The following UBR3 variants were observed in gnomAD, a reference collection of about 807,000 sequenced individuals.
The protein encoded by UBR3 is ubiquitin protein ligase E3 component n-recognin 3.
UBR3 carries 85 observed loss-of-function variants against 243.2 expected under a neutral mutation model. The observed-to-expected ratio is 0.35, with a 90% confidence interval of 0.29 to 0.42. The LOEUF is 0.42. UBR3 is among the 10% of genes least tolerant of loss of function. UBR3 has a pLI of 1.00. For missense variants in UBR3, 1,686 were observed against 2,300.8 expected (o/e 0.73, Z 5.47); for synonymous variants, 748 against 799.8 (o/e 0.94, Z 1.09).
At chr2:169,954,106 A>G (rs1034165530) in intron 23 of UBR3, among the ~76,000 whole-genome samples, 3 of 152,134 alleles carry the variant, frequency 2.0e-5, no homozygotes, top group African/African-American at 7.2e-5. Context: ...GCAGATTGAT[A>G]GTGGTATTTG....
intron 35 of UBR3, among the ~76,000 whole-genome samples, chr2:170,070,004 A>T (rs967267611): frequency 3.9e-5 from 6 of 152,164 alleles, no homozygotes; most frequent in East Asian, 3.9e-4. Context: ...GTTATTTTTT[A>T]AAAAAATATT....
At chr2:169,969,556 T>G (rs181978442) in intron 24 of UBR3, among the ~76,000 whole-genome samples, 10 of 151,268 alleles carry the variant, frequency 6.6e-5, no homozygotes, top group Non-Finnish European at 1.3e-4. Context: ...GTCTTTTTTT[T>G]TTTTTTTTGT....
intron 26 of UBR3, among the ~76,000 whole-genome samples, chr2:169,997,938 G>C (rs985601435): frequency 1.3e-5 from 2 of 152,160 alleles, no homozygotes; most frequent in Non-Finnish European, 1.5e-5. Context: ...ACTGCAGCTC[G>C]GTTTTCAGGC....
At chr2:169,927,034 G>C in intron 16 of UBR3, 63 bp downstream of exon 16, 1 of 1,512,316 alleles carries the variant, frequency 6.6e-7, no homozygotes, top group South Asian at 1.2e-5. Flanking sequence ...CCCCCTCCCT[G>C]TGGTAGTAAC....
rs139521135 is a variant in UBR3 at position 169,962,470 on chromosome 2, C to T, written c.3634+3944C>T. Among the ~76,000 whole-genome samples the T allele has an allele frequency of 4.0e-3, 616 of 152,230 alleles. 5 individuals are homozygous for T. The highest frequency in any genetic ancestry group is 0.014 in the African/African-American group (576 of 41,542). ...CTAAGCTGCTCCCAGATGCCTGACC[C>T]TCAGAAACGGTTTGAGATAATTCTT... is the stretch of plus-strand genomic sequence containing the variant. On this transcript the variant is annotated intron_variant, in intron 24 of 38. Transcript: ENST00000272793.
chr2:169,924,232 CT>C, intron 13 of UBR3, 59 bp downstream of exon 13: 1 of 1,299,174 alleles, frequency 7.7e-7, no homozygotes. Flanking sequence ...GTGATTCTTC[CT>C]TTATTTATAT....
intron 1 of UBR3, among the ~76,000 whole-genome samples, chr2:169,857,041 G>T (rs2105298350): frequency 7.4e-6 from 1 of 135,536 alleles, no homozygotes; most frequent in African/African-American, 2.7e-5. Flanking sequence ...TCTTGTTAAT[G>T]ATTTCCAGCA....
At chr2:169,978,937 G>A (rs143540600) in intron 24 of UBR3, among the ~76,000 whole-genome samples, 100 of 152,232 alleles carry the variant, frequency 6.6e-4, no homozygotes, top group African/African-American at 2.3e-3. Flanking sequence ...CAGGGCATCA[G>A]TTCCCCAGGA....
intron 29 of UBR3, 76 bp downstream of exon 29, chr2:170,009,016 T>G: frequency 3.9e-6 from 4 of 1,030,512 alleles, no homozygotes; most frequent in Non-Finnish European, 5.3e-6. Flanking sequence ...AATATTTGTT[T>G]TATTTATTTA....
chr2:169,984,325 T>C (rs2088897921), intron 24 of UBR3, among the ~76,000 whole-genome samples: 3 of 152,182 alleles, frequency 2.0e-5, no homozygotes, highest in Admixed American at 1.3e-4. Flanking sequence ...AGATTGTGAC[T>C]GTATAACTGA....
chr2:169,927,440 A>G, intron 17 of UBR3, 35 bp downstream of exon 17: 1 of 1,417,176 alleles, frequency 7.1e-7, no homozygotes. Context: ...TGTTAGTTGC[A>G]GGATCTAAAA....
At chr2:169,829,884 C>T (rs1388138616) in intron 1 of UBR3, among the ~76,000 whole-genome samples, 1 of 152,034 alleles carries the variant, frequency 6.6e-6, no homozygotes, top group Non-Finnish European at 1.5e-5. Context: ...AGTCTTCTAT[C>T]TGTCCAGTTC....
chr2:169,984,435 G>A (rs1485989731), intron 24 of UBR3, among the ~76,000 whole-genome samples: 1 of 152,108 alleles, frequency 6.6e-6, no homozygotes, highest in Non-Finnish European at 1.5e-5. Flanking sequence ...TCTTCCAAGA[G>A]TAACCAGTAT....
At chr2:169,997,740 G>C (rs1331509637) in intron 26 of UBR3, among the ~76,000 whole-genome samples, 1 of 152,066 alleles carries the variant, frequency 6.6e-6, no homozygotes, top group Non-Finnish European at 1.5e-5. Flanking sequence ...CAACAAGAGG[G>C]GACCTGAAGT....
chr2:169,928,843 G>T lies in UBR3; in HGVS notation c.2541G>T (p.Met847Ile). Residue 847 changes from methionine (M) to isoleucine (I), a missense_variant, in exon 18 of 39, where the codon ATG (methionine) becomes ATT (isoleucine). By Grantham distance (10) the Met-to-Ile change is conservative (BLOSUM62 1). This residue lies in a region of UBR3 where 346 missense variants were observed against 585.8 expected (regional missense o/e 0.59). Coordinates refer to ENST00000272793, the MANE Select transcript of UBR3 (RefSeq NM_172070.4). ...KAPVFEPGGS[M>I]QQGMYTPKAE... ...CTGTTTTTGAACCTGGAGGTTCTAT[G>T]CAACAAGGCATGTATACTCCCAAAG... 2 of 1,491,296 alleles carry T rather than the reference G, an allele frequency of 1.3e-6. No individual in the cohort carries two copies. The highest frequency in any genetic ancestry group is 1.3e-5 in the South Asian group (1 of 75,068). 92.4% of individuals were successfully genotyped at this position (1,491,296 alleles called of 1,614,324 possible). A position where few individuals can be genotyped will look rare whatever the true frequency, so the allele number is the denominator to read the frequency against.
chr2:169,857,062 A>ATTTTT (rs1553494582), intron 1 of UBR3, among the ~76,000 whole-genome samples: 11 of 28,488 alleles, frequency 3.9e-4, no homozygotes, highest in East Asian at 2.2e-3. Flanking sequence ...TAATTTTATT[A>ATTTTT]TGTTTTTTTT....
At chr2:169,891,613 G>GACACACAC (rs3082964) in intron 6 of UBR3, among the ~76,000 whole-genome samples, 13,054 of 148,762 alleles carry the variant, frequency 0.088, 618 homozygotes, top group Admixed American at 0.14. Context: ...GAGAGACAGA[G>GACACACAC]ACACACACAC....
chr2:169,922,458 CAG>C (rs1466338739), intron 11 of UBR3, among the ~76,000 whole-genome samples: 2 of 151,522 alleles, frequency 1.3e-5, no homozygotes, highest in African/African-American at 4.9e-5. Context: ...GTAAAATACA[CAG>C]AAAACATAAA....
rs2081780119 is a variant in UBR3, at chr2:169,827,548, C to T, written c.41C>T (p.Pro14Leu). Residue 14 changes from proline to leucine, a missense_variant, in exon 1 of 39, where the codon CCG becomes CTG. Physicochemically the swap from Pro to Leu is moderately conservative, Grantham distance 98. Transcript: ENST00000272793. ...GCGGCGGCCGTCGGGGGCCAGCAGC[C>T]GTCACAGCCCGAGCTGCCCGCGCCG... ...AAAAAVGGQQ[P>L]SQPELPAPGL... is the part of the protein sequence containing the mutation. 6 of 1,232,328 alleles carry T rather than the reference C, an allele frequency of 4.9e-6. No individual in the cohort carries two copies. The Admixed American group carries it at 1.7e-4, about 35-fold the overall frequency. 76.3% of individuals were successfully genotyped at this position (1,232,328 alleles called of 1,614,324 possible).
Sources: allele counts gnomAD v4.1 joint callset (sites outside exome capture counted in the v4.1 genomes callset), GRCh38; gene constraint gnomAD v4.1.1; regional missense constraint gnomAD v4.1.1; transcripts MANE v1.5; gene names NCBI Gene and HGNC (gene_info 2026-07-23, HGNC 2026-07-21).